The following AFF2 variants were observed in gnomAD, a reference collection of about 807,000 sequenced individuals.
AFF2 encodes the protein ALF transcription elongation factor 2.
AFF2 carries 14 observed loss-of-function variants against 76.9 expected under a neutral mutation model. That is an observed-to-expected ratio of 0.18 (90% CI 0.12 to 0.28). The LOEUF is 0.28. Among genes scored for constraint, AFF2 ranks in the 10% least tolerant of loss-of-function variants. The pLI is 1.00. For synonymous variants in AFF2, 398 were observed against 366.7 expected, an observed-to-expected ratio of 1.09 and a Z score of -0.98; for missense variants, 868 against 1,001.1, an observed-to-expected ratio of 0.87 and a Z score of 1.79.
intron 2 of AFF2, 128 bp downstream of exon 2, chrX:148,652,259 C>A (rs1322378010): frequency 4.1e-5 from 21 of 515,024 alleles, no homozygotes; most frequent in Non-Finnish European, 6.3e-5. Context: ...GAAATTTGTA[C>A]ATACACTGTA....
chrX:148,888,846 T>C (rs1286092326), intron 8 of AFF2, among the ~76,000 whole-genome samples: 1 of 111,407 alleles, frequency 9.0e-6, no homozygotes, highest in Middle Eastern at 4.6e-3. Flanking sequence ...GGCAGAATGA[T>C]TGGGGAGAAA....
chrX:148,886,592 T>C (rs1327703668), intron 8 of AFF2, among the ~76,000 whole-genome samples: 3 of 112,331 alleles, frequency 2.7e-5, no homozygotes, highest in African/African-American at 9.7e-5. Flanking sequence ...AGCATTTCAA[T>C]GAGACTGGAC....
At chrX:148,661,184 T>C (rs2054300686) in intron 2 of AFF2, among the ~76,000 whole-genome samples, 2 of 112,534 alleles carry the variant, frequency 1.8e-5, no homozygotes, top group African/African-American at 6.5e-5. Flanking sequence ...TCCTTAATCA[T>C]TGAAAAGACA....
chrX:148,589,790 A>G (rs943616141), intron 1 of AFF2, among the ~76,000 whole-genome samples: 3 of 110,443 alleles, frequency 2.7e-5, no homozygotes, highest in Non-Finnish European at 3.8e-5. Flanking sequence ...CAGAAAGTAA[A>G]CTGTGAAAAA....
chrX:148,630,736 G>T (rs1239148474), intron 1 of AFF2, among the ~76,000 whole-genome samples: 1 of 111,782 alleles, frequency 8.9e-6, no homozygotes, highest in African/African-American at 3.3e-5. Context: ...ACCTGCTGGT[G>T]GAGTCCAGAG....
rs1482353653 is a variant in AFF2 at position 148,995,423 on chromosome X, C to G, written c.*4091C>G. Reference sequence around the variant, plus strand: ...TCTTTACCAAAATCATCACATTTTACTCTGTAATCTACCAGCTAAAAGAAA... The same window carrying G: ...TCTTTACCAAAATCATCACATTTTAGTCTGTAATCTACCAGCTAAAAGAAA... On this transcript the variant is annotated 3_prime_UTR_variant, in exon 21 of 21. Transcript: ENST00000370460. The G allele has an allele frequency of 2.1e-5, 2 of 96,482 alleles. No homozygotes were observed. Among genetic ancestry groups the G allele is most frequent in the Non-Finnish European group, 4.0e-5 (2 of 49,990 alleles). The allele number at this position is 96,482 out of a possible 1,213,427, so 8.0% of individuals were successfully genotyped here.
chrX:148,861,980 C>T lies in AFF2; in HGVS notation c.1262+18547C>T, dbSNP rs577617239. 2.7e-5 allele frequency among the ~76,000 whole-genome samples: 3 copies of T among 110,075 alleles called. No individual in the cohort carries two copies. In the South Asian group the frequency reaches 1.2e-3, roughly 44 times the overall value. ...TTTTGTCTGTTTTTTTTTCCCCCCT[C>T]AGACCACCTGCAACTGTAAGTTGTC... On this transcript the variant is annotated intron_variant, in intron 7 of 20. Coordinates refer to ENST00000370460, the MANE Select transcript of AFF2 (RefSeq NM_002025.4).
chrX:148,922,421 T>C (rs2071606076), intron 9 of AFF2, among the ~76,000 whole-genome samples: 1 of 112,053 alleles, frequency 8.9e-6, no homozygotes, highest in Admixed American at 9.5e-5. Context: ...GTTCTCACAT[T>C]TGCCAATCAG....
intron 3 of AFF2, among the ~76,000 whole-genome samples, chrX:148,764,468 T>C (rs2069488027): frequency 8.9e-6 from 1 of 112,394 alleles, no homozygotes; most frequent in Non-Finnish European, 1.9e-5. Flanking sequence ...GCAAATTTGT[T>C]TGCCTGTTTG....
At chrX:148,560,802 TA>T (rs1467036809) in intron 1 of AFF2, among the ~76,000 whole-genome samples, 3 of 111,886 alleles carry the variant, frequency 2.7e-5, no homozygotes, top group African/African-American at 9.8e-5. Flanking sequence ...AGTATTGCAT[TA>T]AAATTTCATT....
At chrX:148,522,357 A>C (rs782003223) in intron 1 of AFF2, among the ~76,000 whole-genome samples, 31 of 112,721 alleles carry the variant, frequency 2.8e-4, no homozygotes, top group African/African-American at 1.0e-3. Flanking sequence ...TGATAGGGAC[A>C]GTTTCACATT....
chrX:148,914,985 G>A (rs375858485), intron 9 of AFF2, among the ~76,000 whole-genome samples: 8 of 112,366 alleles, frequency 7.1e-5, no homozygotes, highest in East Asian at 5.6e-4. Context: ...TCTGTCGACC[G>A]CAGAATGCGT....
At chrX:148,691,926 T>A (rs2054655699) in intron 3 of AFF2, among the ~76,000 whole-genome samples, 1 of 111,893 alleles carries the variant, frequency 8.9e-6, no homozygotes, top group African/African-American at 3.3e-5. Flanking sequence ...GTATCCCAGC[T>A]GTAGACAGTG....
At chrX:148,639,812 G>T (rs1391223462) in intron 1 of AFF2, among the ~76,000 whole-genome samples, 3 of 111,697 alleles carry the variant, frequency 2.7e-5, no homozygotes, top group Non-Finnish European at 3.8e-5. Context: ...TAGGATGTGG[G>T]CTGTAAAATC....
At chrX:148,868,004 C>T (rs190160275) in intron 7 of AFF2, among the ~76,000 whole-genome samples, 1 of 111,782 alleles carries the variant, frequency 8.9e-6, no homozygotes, top group African/African-American at 3.3e-5. Flanking sequence ...AGCCTAGGCT[C>T]CTCTCAGTTT....
At chrX:148,597,232 T>A (rs1165929765) in intron 1 of AFF2, among the ~76,000 whole-genome samples, 5 of 111,387 alleles carry the variant, frequency 4.5e-5, no homozygotes, top group Non-Finnish European at 9.4e-5. Flanking sequence ...GCTTTGTGTG[T>A]TACCCTATGA....
At chrX:148,660,365 T>G (rs138662966) in intron 2 of AFF2, among the ~76,000 whole-genome samples, 164 of 111,470 alleles carry the variant, frequency 1.5e-3, no homozygotes, top group Middle Eastern at 9.3e-3. Flanking sequence ...TCTCTGCCAA[T>G]CCGTATCTTC....
chrX:148,694,024 A>C (rs782393584), intron 3 of AFF2, among the ~76,000 whole-genome samples: 1 of 110,559 alleles, frequency 9.0e-6, no homozygotes, highest in African/African-American at 3.3e-5. Flanking sequence ...TTGTAGGGAC[A>C]TGGATGAAAT....
At chrX:148,830,542 G>T (rs183785324) in intron 4 of AFF2, among the ~76,000 whole-genome samples, 2 of 112,126 alleles carry the variant, frequency 1.8e-5, no homozygotes, top group East Asian at 2.8e-4. Flanking sequence ...AAAGAGAGAA[G>T]TTTTTAAAGC....
Sources: allele counts gnomAD v4.1 joint callset (sites outside exome capture counted in the v4.1 genomes callset), GRCh38; gene constraint gnomAD v4.1.1; transcripts MANE v1.5; gene names NCBI Gene and HGNC (gene_info 2026-07-23, HGNC 2026-07-21).